The following SMOC1 variants were observed in gnomAD, a reference collection of about 807,000 sequenced individuals.
The protein encoded by SMOC1 is SPARC-related modular calcium-binding protein 1.
SMOC1 carries 22 observed loss-of-function variants against 56.3 expected under a neutral mutation model. That is an observed-to-expected ratio of 0.39 (90% CI 0.28 to 0.56). The LOEUF (loss-of-function observed/expected upper bound fraction) is 0.56. Among genes scored for constraint, SMOC1 ranks in the 20% least tolerant of loss-of-function variants. The pLI, the probability that SMOC1 is intolerant of heterozygous loss-of-function variation, is 0.61. For synonymous variants in SMOC1, 193 were observed against 215.0 expected (o/e 0.90, Z 0.89); for missense variants, 509 against 565.4 (o/e 0.90, Z 1.01).
At chr14:69,953,316 G>A (rs1883071886) in intron 2 of SMOC1, 104 bp from the exon 3 acceptor site, 2 of 1,026,360 alleles carry the variant, frequency 1.9e-6, no homozygotes, top group South Asian at 2.5e-5. Flanking sequence ...AGTTAGTTGT[G>A]TGTGGGCTCC....
chr14:70,013,558 G>A, intron 10 of SMOC1, 67 bp downstream of exon 10: 2 of 1,334,318 alleles, frequency 1.5e-6, no homozygotes, highest in Non-Finnish European at 2.1e-6. Context: ...CAAATGCTGA[G>A]GGAGGGTGAG....
chr14:69,885,309 T>A (rs1188765699), intron 1 of SMOC1: 1 of 1,171,044 alleles, frequency 8.5e-7, no homozygotes, highest in East Asian at 2.4e-5. Context: ...TTTTAATTAT[T>A]TTTATGTACA....
chr14:70,028,623 G>A (rs1886018790), intron 11 of SMOC1, among the ~76,000 whole-genome samples: 1 of 152,200 alleles, frequency 6.6e-6, no homozygotes, highest in Non-Finnish European at 1.5e-5. Context: ...ATCTCAGCCT[G>A]GTGGGCAGGA....
rs565004019 is a variant in SMOC1 at position 69,955,979 on chromosome 14, T to C, written c.378+2447T>C. Among the ~76,000 whole-genome samples, 11 of 152,320 alleles carry C rather than the reference T, an allele frequency of 7.2e-5. 1 individual carries two copies. The South Asian group carries it at 2.3e-3, about 32-fold the overall frequency. ...ATCCTGGGTGTGTTGGTTATAGGAATGGCTGACCCCTGCCCTCCTGATTCT... is the reference window on the plus strand; with the variant it reads ...ATCCTGGGTGTGTTGGTTATAGGAACGGCTGACCCCTGCCCTCCTGATTCT... On this transcript the variant is annotated intron_variant, in intron 3 of 11. Transcript: ENST00000361956.
rs571975888 is a variant in SMOC1, at chr14:70,026,382, A to G, written c.1291+2935A>G. Among the ~76,000 whole-genome samples the G allele has an allele frequency of 5.9e-5, 9 of 152,308 alleles. No individual in the cohort carries two copies. In the East Asian group the frequency reaches 1.3e-3, roughly 23 times the overall value. ...AGCAATGGCTGAGTGTGGTGAGCTCAGATCCACCGAGCTCAGGGACTCCTC... is the reference window on the plus strand; with the variant it reads ...AGCAATGGCTGAGTGTGGTGAGCTCGGATCCACCGAGCTCAGGGACTCCTC... On this transcript the variant is annotated intron_variant, in intron 11 of 11. Transcript: ENST00000361956.
At chr14:69,991,259 TC>T (rs540100058) in intron 5 of SMOC1, among the ~76,000 whole-genome samples, 1 of 151,936 alleles carries the variant, frequency 6.6e-6, no homozygotes, top group Non-Finnish European at 1.5e-5. Context: ...TCTCCTTCCC[TC>T]CCCCCGTGGA....
intron 1 of SMOC1, among the ~76,000 whole-genome samples, chr14:69,923,814 T>C (rs959651434): frequency 1.3e-5 from 2 of 152,010 alleles, no homozygotes; most frequent in South Asian, 2.1e-4. Context: ...CAATCCTACG[T>C]AGGAGGGAGG....
chr14:69,970,078 C>T (rs543744926), intron 3 of SMOC1, among the ~76,000 whole-genome samples: 4 of 152,208 alleles, frequency 2.6e-5, no homozygotes, highest in Non-Finnish European at 4.4e-5. Flanking sequence ...TAGAAACCAC[C>T]AGAGAACATC....
Position 69,879,568 on chromosome 14 carries a change from G to T in SMOC1, c.-111G>T. On this transcript the variant is annotated 5_prime_UTR_variant, in exon 1 of 12. Transcript: ENST00000361956. ...AGCCCCCGCCGCAGGACCACGGCCC[G>T]CTCCCCGCCGCCGCGAGGGCCCCGA... 1.2e-6 allele frequency: 1 copy of T among 837,406 alleles called. No individual in the cohort carries two copies. Among genetic ancestry groups the T allele is most frequent in the Non-Finnish European group, 1.7e-6 (1 of 605,620 alleles). 51.9% of individuals were successfully genotyped at this position (837,406 alleles called of 1,614,324 possible).
intron 6 of SMOC1, among the ~76,000 whole-genome samples, chr14:69,993,071 G>C (rs987494547): frequency 6.6e-6 from 1 of 152,218 alleles, no homozygotes; most frequent in African/African-American, 2.4e-5. Flanking sequence ...GAGTCTGAGT[G>C]TTCCAGGCAG....
intron 3 of SMOC1, among the ~76,000 whole-genome samples, chr14:69,956,912 T>C (rs1883207714): frequency 6.6e-6 from 1 of 152,146 alleles, no homozygotes; most frequent in Admixed American, 6.5e-5. Flanking sequence ...GACATTGTGT[T>C]TTTTCGAGCT....
At chr14:69,892,334 C>T (rs1320109085) in intron 1 of SMOC1, among the ~76,000 whole-genome samples, 1 of 152,172 alleles carries the variant, frequency 6.6e-6, no homozygotes, top group Non-Finnish European at 1.5e-5. Context: ...CTTTGGAGAG[C>T]ATACTTGTTC....
intron 10 of SMOC1, 87 bp from the exon 11 acceptor site, chr14:70,023,116 T>C: frequency 5.0e-6 from 8 of 1,605,666 alleles, no homozygotes; most frequent in Non-Finnish European, 6.8e-6. Context: ...CTACCTGACT[T>C]TCTGGGGGCA....
chr14:70,021,894 C>A (rs1885740952), intron 10 of SMOC1, among the ~76,000 whole-genome samples: 1 of 152,166 alleles, frequency 6.6e-6, no homozygotes, highest in South Asian at 2.1e-4. Flanking sequence ...ATAGTTTCCC[C>A]ACCAGGAACA....
chr14:69,965,334 T>G (rs1490461550), intron 3 of SMOC1, among the ~76,000 whole-genome samples: 1 of 151,578 alleles, frequency 6.6e-6, no homozygotes, highest in African/African-American at 2.4e-5. Context: ...TGAGCCGAGT[T>G]GGCGCCACTG....
chr14:69,952,435 C>A, intron 2 of SMOC1, 132 bp downstream of exon 2: 1 of 1,039,844 alleles, frequency 9.6e-7, no homozygotes, highest in Non-Finnish European at 1.4e-6. Context: ...TCCACCCCTT[C>A]CACCAGGGCC....
In SMOC1 at chr14:69,899,379, C is replaced by T. The variant is rs116371601; in HGVS notation, c.99+19602C>T. On this transcript the variant is annotated intron_variant, in intron 1 of 11. Transcript: ENST00000361956. ...AGCATCATCCTTTTGGTACTATTCT[C>T]GTGACAGAGTTCTCATGAGATCTGG... 4.9e-3 allele frequency among the ~76,000 whole-genome samples: 749 copies of T among 152,218 alleles called. 7 individuals are homozygous for T. Among genetic ancestry groups the T allele is most frequent in the African/African-American group, 0.016 (673 of 41,524 alleles).
At chr14:69,982,666 C>T (rs1371573451) in intron 5 of SMOC1, among the ~76,000 whole-genome samples, 2 of 152,212 alleles carry the variant, frequency 1.3e-5, no homozygotes, top group African/African-American at 2.4e-5. Flanking sequence ...TGTGAAATGT[C>T]ACTCCTGCTC....
At chr14:69,988,833 G>A (rs1037068832) in intron 5 of SMOC1, among the ~76,000 whole-genome samples, 1 of 152,130 alleles carries the variant, frequency 6.6e-6, no homozygotes, top group Non-Finnish European at 1.5e-5. Flanking sequence ...TTTATACTTA[G>A]CATAATGTCT....
Sources: allele counts gnomAD v4.1 joint callset (sites outside exome capture counted in the v4.1 genomes callset), GRCh38; gene constraint gnomAD v4.1.1; transcripts MANE v1.5; gene names NCBI Gene and HGNC (gene_info 2026-07-23, HGNC 2026-07-21).